Variants in DLGAP1 observed in about 807,000 individuals in gnomAD.
DLGAP1 encodes disks large-associated protein 1.
Under a neutral mutation model 90.8 loss-of-function variants are expected in DLGAP1, and 11 were observed. The observed-to-expected ratio is 0.12, with a 90% CI of 0.08 to 0.20. The LOEUF (loss-of-function observed/expected upper bound fraction) is 0.20. Among genes scored for constraint, DLGAP1 ranks in the 10% least tolerant of loss-of-function variants. The pLI, the probability that DLGAP1 is intolerant of heterozygous loss-of-function variation, is 1.00. For missense variants in DLGAP1, 1,050 were observed against 1,333.8 expected, an observed-to-expected ratio of 0.79 and a Z score of 3.31; for synonymous variants, 558 against 540.7, an observed-to-expected ratio of 1.03 and a Z score of -0.44.
chr18:3,532,775 A>C (rs146775304), intron 10 of DLGAP1, among the ~76,000 whole-genome samples: 25 of 152,338 alleles, frequency 1.6e-4, no homozygotes, highest in African/African-American at 5.8e-4. Flanking sequence ...CCATTAATTT[A>C]ATAATAATGT....
At chr18:3,699,917 A>G (rs1164183916) in intron 7 of DLGAP1, among the ~76,000 whole-genome samples, 1 of 152,162 alleles carries the variant, frequency 6.6e-6, no homozygotes, top group East Asian at 1.9e-4. Flanking sequence ...GGCTTTGTTT[A>G]CACTGTGAAG....
chr18:4,130,105 C>T (rs574797032), intron 2 of DLGAP1, among the ~76,000 whole-genome samples: 1 of 152,296 alleles, frequency 6.6e-6, no homozygotes, highest in African/African-American at 2.4e-5. Context: ...GCAAGAACAT[C>T]ATTACATGTT....
chr18:4,417,692 A>G (rs1045303654), intron 1 of DLGAP1, among the ~76,000 whole-genome samples: 5 of 152,092 alleles, frequency 3.3e-5, no homozygotes, highest in Non-Finnish European at 5.9e-5. Context: ...GAAAAAACCA[A>G]TTTCAGCTGA....
chr18:3,813,444 A>G (rs1376518679), intron 5 of DLGAP1, among the ~76,000 whole-genome samples: 1 of 152,194 alleles, frequency 6.6e-6, no homozygotes, highest in African/African-American at 2.4e-5. Flanking sequence ...TTAATGATGC[A>G]TTTCTCAGAA....
At chr18:4,083,330 C>T (rs111751622) in intron 2 of DLGAP1, among the ~76,000 whole-genome samples, 2 of 152,248 alleles carry the variant, frequency 1.3e-5, no homozygotes, top group Admixed American at 6.5e-5. Flanking sequence ...ACTTCTACTT[C>T]ATTCTCATCT....
intron 7 of DLGAP1, among the ~76,000 whole-genome samples, chr18:3,697,579 A>G (rs953910299): frequency 1.3e-5 from 2 of 151,998 alleles, no homozygotes; most frequent in Non-Finnish European, 2.9e-5. Context: ...GTTATTTTGC[A>G]TTTGCTGAGG....
In DLGAP1 at chr18:3,501,946, T is replaced by A. The variant is rs893932061; in HGVS notation, c.2724+547A>T. 3.9e-5 allele frequency among the ~76,000 whole-genome samples: 5 copies of A among 128,664 alleles called. No homozygotes were observed. The Admixed American group carries it at 4.6e-4, about 12-fold the overall frequency. The allele number at this position is 128,664 out of a possible 152,430, so 84.4% of individuals were successfully genotyped here. ...GCAAATCAACCAAAAGCAAAACTGT[T>A]TTGAAAAAAAAAAAAAAAAAAAACC... is the stretch of plus-strand genomic sequence containing the variant. On this transcript the variant is annotated intron_variant, in intron 12 of 12. Transcript: ENST00000315677.
At chr18:4,046,015 G>C (rs2075049367) in intron 2 of DLGAP1, among the ~76,000 whole-genome samples, 1 of 152,058 alleles carries the variant, frequency 6.6e-6, no homozygotes, top group South Asian at 2.1e-4. Context: ...GACCTCATAA[G>C]AGCCAAGTTT....
At chr18:4,051,410 A>G (rs2075132011) in intron 2 of DLGAP1, among the ~76,000 whole-genome samples, 1 of 152,354 alleles carries the variant, frequency 6.6e-6, no homozygotes, top group East Asian at 1.9e-4. Context: ...CTTTCTTCAC[A>G]TGGCAGCAGC....
At chr18:3,527,410 CTTTTTTT>C (rs3075071) in intron 10 of DLGAP1, among the ~76,000 whole-genome samples, 16 of 100,692 alleles carry the variant, frequency 1.6e-4, no homozygotes, top group Non-Finnish European at 2.5e-4. Context: ...ATTTTCCAAA[CTTTTTTT>C]TTTTTTTTTT....
chr18:3,611,779 A>G (rs2057644528), intron 7 of DLGAP1, among the ~76,000 whole-genome samples: 1 of 152,218 alleles, frequency 6.6e-6, no homozygotes, highest in Non-Finnish European at 1.5e-5. Flanking sequence ...CAAACAAAAA[A>G]GCTTACAAGT....
At chr18:3,650,851 G>A (rs2059272814) in intron 7 of DLGAP1, among the ~76,000 whole-genome samples, 1 of 151,992 alleles carries the variant, frequency 6.6e-6, no homozygotes, top group African/African-American at 2.4e-5. Flanking sequence ...GGCGGATCAT[G>A]AGGTCAGGAG....
At chr18:3,784,844 C>A (rs1379504629) in intron 5 of DLGAP1, among the ~76,000 whole-genome samples, 1 of 152,210 alleles carries the variant, frequency 6.6e-6, no homozygotes, top group Non-Finnish European at 1.5e-5. Flanking sequence ...GGTGACAGGG[C>A]TCTGGCTGCC....
chr18:4,435,713 ACT>A (rs1243231805), intron 1 of DLGAP1, among the ~76,000 whole-genome samples: 1 of 152,148 alleles, frequency 6.6e-6, no homozygotes, highest in Non-Finnish European at 1.5e-5. Flanking sequence ...TAATAAAACC[ACT>A]CTGCAAAAAT....
intron 4 of DLGAP1, among the ~76,000 whole-genome samples, chr18:3,844,867 T>G (rs928111216): frequency 1.3e-5 from 2 of 152,180 alleles, no homozygotes; most frequent in Admixed American, 1.3e-4. Flanking sequence ...CACTATATCA[T>G]AGTAAATATA....
chr18:4,439,750 T>C (rs182457221), intron 1 of DLGAP1, among the ~76,000 whole-genome samples: 38 of 151,084 alleles, frequency 2.5e-4, no homozygotes, highest in African/African-American at 8.8e-4. Context: ...TTCAAGGTTA[T>C]GGTAAGCCAT....
At chr18:4,277,022 G>T (rs1188471586) in intron 1 of DLGAP1, among the ~76,000 whole-genome samples, 2 of 152,188 alleles carry the variant, frequency 1.3e-5, no homozygotes, top group African/African-American at 4.8e-5. Flanking sequence ...AAATAAATTT[G>T]TGTAGTAACT....
rs141544098 is a variant in DLGAP1 at position 3,999,032 on chromosome 18, T to C, written c.-73+6084A>G. Among the ~76,000 whole-genome samples, 299 of 152,290 alleles carry C rather than the reference T, an allele frequency of 2.0e-3. 1 individual carries two copies. Among genetic ancestry groups the C allele is most frequent in the African/African-American group, 6.6e-3 (274 of 41,576 alleles). ...TTTGCTTTGTAATAATGCAAAGTTT[T>C]ACATGACTCTAGAGTCAAATTTACA... On this transcript the variant is annotated intron_variant, in intron 3 of 12. Coordinates refer to ENST00000315677, the MANE Select transcript of DLGAP1 (RefSeq NM_004746.4).
chr18:3,527,975 T>C (rs1227213880), intron 10 of DLGAP1, among the ~76,000 whole-genome samples: 1 of 152,216 alleles, frequency 6.6e-6, no homozygotes, highest in African/African-American at 2.4e-5. Context: ...AGGCATTATG[T>C]ACATTCACCA....
Sources: gnomAD v4.1 joint callset for allele counts (sites outside exome capture counted in the v4.1 genomes callset) on GRCh38, gnomAD v4.1.1 for gene constraint, MANE v1.5 for transcripts, NCBI Gene and HGNC (gene_info 2026-07-23, HGNC 2026-07-21) for gene names.